The following DNAH10 variants were observed in gnomAD, a reference collection of about 807,000 sequenced individuals.
DNAH10 encodes axonemal beta dynein heavy chain 10.
DNAH10 carries 348 observed loss-of-function variants against 506.6 expected under a neutral mutation model. The observed-to-expected ratio is 0.69, with a 90% CI of 0.63 to 0.75. DNAH10 has a LOEUF of 0.75. Among genes scored for constraint, DNAH10 ranks in the 30% least tolerant of loss-of-function variants. DNAH10 has a pLI of 0.00. For missense variants in DNAH10, 5,179 were observed against 5,787.1 expected, an observed-to-expected ratio of 0.89 and a Z score of 3.41; for synonymous variants, 2,059 against 2,198.6, an observed-to-expected ratio of 0.94 and a Z score of 1.78.
intron 11 of DNAH10, among the ~76,000 whole-genome samples, chr12:123,791,849 A>G (rs1329739842): frequency 2.0e-5 from 3 of 152,180 alleles, no homozygotes; most frequent in Non-Finnish European, 2.9e-5. Context: ...TGAACTTTTC[A>G]TCAAAGTCAC....
Position 123,841,421 on chromosome 12 carries a change from C to A in DNAH10, c.5236C>A (p.Arg1746=). The A allele has an allele frequency of 6.2e-7, 1 of 1,613,910 alleles. No individual in the cohort carries two copies. The highest frequency in any genetic ancestry group is 1.6e-4 in the Middle Eastern group (1 of 6,062). The stretch of plus-strand genomic sequence containing the variant: ...AGCAGAAGGAGAAGTCATGGAGTTT[C>A]GGAAGATCTTGCGGGCTGAAGGGCG... ...ISAEGEVMEF[R]KILRAEGRVE... is the part of the protein sequence containing the mutation. Residue 1746 remains arginine (R), a synonymous_variant, in exon 30 of 79, where the codon CGG becomes AGG. Coordinates refer to ENST00000673944, the MANE Select transcript of DNAH10 (RefSeq NM_001372106.1).
At chr12:123,767,136 G>A (rs1276218092) in intron 1 of DNAH10, among the ~76,000 whole-genome samples, 2 of 152,004 alleles carry the variant, frequency 1.3e-5, no homozygotes, top group Admixed American at 6.6e-5. Flanking sequence ...TCGAGCTCCC[G>A]ATCTCAAGTG....
Position 123,789,967 on chromosome 12 carries a change from A to C in DNAH10, c.1661A>C (p.Lys554Thr). 6.2e-7 allele frequency: 1 copy of C among 1,614,106 alleles called. No individual in the cohort carries two copies. The highest frequency in any genetic ancestry group is 1.1e-5 in the South Asian group (1 of 91,048). ...TATAACATATTTGGTCCAGAACTAA[A>C]GGCAGTGACGGGGGACCCCAAGCGC... ...EFYNIFGPELKAVTGDPKRID... is the reference protein window; with the variant it reads ...EFYNIFGPELTAVTGDPKRID... Residue 554 changes from lysine to threonine, a missense_variant, in exon 11 of 79, where the codon AAG becomes ACG. Lys to Thr is a moderately conservative substitution (Grantham distance 78). Around this residue, in one of 3 missense-constraint regions of DNAH10, gnomAD observed 4,844 missense variants for 5,430.5 expected, o/e 0.89. Coordinates refer to ENST00000673944, the MANE Select transcript of DNAH10 (RefSeq NM_001372106.1).
Position 123,898,827 on chromosome 12 carries a change from G to A in DNAH10, c.9640+13G>A, listed in dbSNP as rs576552187. On this transcript the variant is annotated intron_variant, in intron 56 of 78. Transcript: ENST00000673944. Reference sequence around the variant, plus strand: ...AACACCGCTGTAGGTGAGTGAGGGCGGGGCCAGGGCAGCCCATCCCCAACA... The same window carrying A: ...AACACCGCTGTAGGTGAGTGAGGGCAGGGCCAGGGCAGCCCATCCCCAACA... The A allele has an allele frequency of 3.1e-5, 50 of 1,595,530 alleles. No homozygotes were observed. The South Asian group carries it at 4.7e-4, about 15-fold the overall frequency.
chr12:123,857,604 T>A (rs56025259), intron 37 of DNAH10, among the ~76,000 whole-genome samples: 1 of 152,196 alleles, frequency 6.6e-6, no homozygotes. Flanking sequence ...GGCGCTCGCC[T>A]GTAGTCTCAG....
In DNAH10 at chr12:123,916,588, A is replaced by G. The variant is rs747978835; in HGVS notation, c.10854A>G (p.Ile3618Met). 7 of 1,613,936 alleles carry G rather than the reference A, an allele frequency of 4.3e-6. No individual in the cohort carries two copies. The highest frequency in any genetic ancestry group is 8.5e-7 in the Non-Finnish European group (1 of 1,179,878). Residue 3618 changes from isoleucine (I) to methionine (M), a missense_variant, in exon 63 of 79, where the codon ATA (isoleucine) becomes ATG (methionine). Physicochemically the swap from Ile to Met is conservative, Grantham distance 10. This residue lies in a region of DNAH10 where 4,844 missense variants were observed against 5,430.5 expected (regional missense o/e 0.89). Transcript: ENST00000673944. This position sits in a 1 kb window ranked among gnomAD's most constrained non-coding sequence, Gnocchi z 4.6. ...TTGACAACGTCTTAGAAAAAAATAT[A>G]AAAGTCTCCCAAGGACGGCAGTTTA... ...PVIDNVLEKN[I>M]KVSQGRQFII... is the part of the protein sequence containing the mutation.
chr12:123,855,679 C>CGT (rs1951359807), intron 36 of DNAH10, among the ~76,000 whole-genome samples: 4 of 149,746 alleles, frequency 2.7e-5, no homozygotes, highest in Non-Finnish European at 3.0e-5. Context: ...TATATATATG[C>CGT]GCACCTAAAG....
chr12:123,904,524 G>T (rs548849723), intron 57 of DNAH10, among the ~76,000 whole-genome samples: 1 of 152,074 alleles, frequency 6.6e-6, no homozygotes, highest in Non-Finnish European at 1.5e-5. Context: ...TGGAGGAGTG[G>T]GGGGGAGCTT....
chr12:123,858,549 G>A (rs1379806792), intron 37 of DNAH10, among the ~76,000 whole-genome samples: 1 of 152,184 alleles, frequency 6.6e-6, no homozygotes, highest in Non-Finnish European at 1.5e-5. Context: ...GTTAAACCGA[G>A]AGTTACCATA....
intron 62 of DNAH10, 46 bp downstream of exon 62, chr12:123,915,045 C>T (rs1954407649): frequency 6.5e-7 from 1 of 1,548,872 alleles, no homozygotes; most frequent in Non-Finnish European, 8.7e-7. Flanking sequence ...TATTCCTGTT[C>T]TCTGGAGAAT....
chr12:123,895,149 CAT>C (rs1264213618), intron 54 of DNAH10, among the ~76,000 whole-genome samples: 5 of 152,210 alleles, frequency 3.3e-5, no homozygotes, highest in Admixed American at 6.5e-5. Flanking sequence ...TTGTAGAAAA[CAT>C]GTGCTGGCCT....
chr12:123,853,128 T>C lies in DNAH10; in HGVS notation c.6292-78T>C. 1.4e-6 allele frequency: 2 copies of C among 1,387,866 alleles called. No individual in the cohort carries two copies. Among genetic ancestry groups the C allele is most frequent in the South Asian group, 3.6e-5 (2 of 55,646 alleles). The allele number at this position is 1,387,866 out of a possible 1,614,324, so 86.0% of individuals were successfully genotyped here. ...GAACACCTGCCCCCGTTTTCTTGCA[T>C]TTGTAGAATGATGCTCCATTGCTTT... On this transcript the variant is annotated intron_variant, in intron 35 of 78. Coordinates refer to ENST00000673944, the MANE Select transcript of DNAH10 (RefSeq NM_001372106.1). The surrounding 1 kb of genome is among the most constrained non-coding windows in gnomAD (Gnocchi z 4.7).
chr12:123,768,150 T>C (rs1399086134), intron 2 of DNAH10, among the ~76,000 whole-genome samples: 1 of 151,656 alleles, frequency 6.6e-6, no homozygotes, highest in Non-Finnish European at 1.5e-5. Context: ...TCCTTTTTTT[T>C]TGAGACAGGG....
Position 123,917,858 on chromosome 12 carries a change from A to G in DNAH10, c.11232+45A>G. ...AGGCCGTGAGTCAGGCGGGGCCTGC[A>G]TGCGCCGTTGGAGCGTCCATTTCTC... On this transcript the variant is annotated intron_variant, in intron 64 of 78. Transcript: ENST00000673944. The surrounding 1 kb of genome is among the most constrained non-coding windows in gnomAD (Gnocchi z 5.6). 3 of 1,538,230 alleles carry G rather than the reference A, an allele frequency of 2.0e-6. No homozygotes were observed. The highest frequency in any genetic ancestry group is 2.6e-6 in the Non-Finnish European group (3 of 1,135,874).
intron 66 of DNAH10, 44 bp downstream of exon 66, chr12:123,923,911 C>G (rs1322122328): frequency 8.0e-6 from 11 of 1,368,404 alleles, no homozygotes; most frequent in Non-Finnish European, 9.1e-6. Context: ...TCCTTGCCCA[C>G]ATGATACATG....
chr12:123,904,835 C>T (rs939166814), intron 57 of DNAH10, among the ~76,000 whole-genome samples: 2 of 152,188 alleles, frequency 1.3e-5, no homozygotes, highest in African/African-American at 4.8e-5. Flanking sequence ...GCCATGTAAG[C>T]ATTAGCTGTG....
In DNAH10 at chr12:123,902,789, G is replaced by A; in HGVS notation, c.9641-150G>A. On this transcript the variant is annotated intron_variant, in intron 56 of 78. Coordinates refer to ENST00000673944, the MANE Select transcript of DNAH10 (RefSeq NM_001372106.1). The surrounding 1 kb of genome is among the most constrained non-coding windows in gnomAD (Gnocchi z 4.5). ...ATGGTGAGGTTTTCTGTCCCACCAG[G>A]ATCACTGAGGCTGCCACATTGGCCA... The A allele has an allele frequency of 9.8e-7, 1 of 1,023,738 alleles. No homozygotes were observed. 63.4% of individuals were successfully genotyped at this position (1,023,738 alleles called of 1,614,324 possible).
At chr12:123,918,595 C>T in intron 64 of DNAH10, 81 bp from the exon 65 acceptor site, 2 of 1,490,070 alleles carry the variant, frequency 1.3e-6, no homozygotes, top group Admixed American at 2.3e-5. Flanking sequence ...GTACATACCT[C>T]TCTGCTGTCC....
intron 57 of DNAH10, among the ~76,000 whole-genome samples, chr12:123,906,778 T>C (rs1428583885): frequency 1.3e-5 from 2 of 152,222 alleles, no homozygotes; most frequent in Non-Finnish European, 2.9e-5. Context: ...TTAAGCGCAA[T>C]GAGCCGGCAC....
Sources: gnomAD v4.1 joint callset for allele counts (sites outside exome capture counted in the v4.1 genomes callset) on GRCh38, gnomAD v4.1.1 for gene constraint, gnomAD v4.1.1 regional missense constraint, Gnocchi (gnomAD v3.1) non-coding constraint, MANE v1.5 for transcripts, NCBI Gene and HGNC (gene_info 2026-07-23, HGNC 2026-07-21) for gene names.